The following FSD2 variants were observed in gnomAD, a reference collection of about 807,000 sequenced individuals.
FSD2 encodes the protein fibronectin type III and SPRY domain containing 2.
A neutral mutation model predicts 80.4 loss-of-function variants in FSD2; 71 were observed. The observed-to-expected ratio is 0.88, with a 90% confidence interval of 0.73 to 1.08. The LOEUF (loss-of-function observed/expected upper bound fraction) is 1.08, where lower values mean the gene tolerates loss of function less well. Among genes scored for constraint, FSD2 ranks in the 50% least tolerant of loss-of-function variants. The probability of loss-of-function intolerance (pLI) is 0.00; values close to 1 mark genes in which losing one functional copy is unlikely to be tolerated. For synonymous variants in FSD2, 361 were observed against 329.5 expected (o/e 1.10, Z -1.03); for missense variants, 923 against 913.8 (o/e 1.01, Z -0.13).
intron 11 of FSD2, among the ~76,000 whole-genome samples, chr15:82,764,604 G>C (rs1038555956): frequency 6.9e-6 from 1 of 145,858 alleles, no homozygotes; most frequent in South Asian, 2.2e-4. Context: ...TCAGCCTCCC[G>C]AGTAGCTGGG....
At chr15:82,779,962 T>A (rs928669703) in intron 5 of FSD2, among the ~76,000 whole-genome samples, 2 of 152,096 alleles carry the variant, frequency 1.3e-5, no homozygotes, top group Non-Finnish European at 2.9e-5. Context: ...TCCACAGATC[T>A]CAGTTCTTTC....
In FSD2 at chr15:82,757,545, G is replaced by T. The variant is rs1384208770; in HGVS notation, c.*1803C>A. 1 of 151,808 alleles carries T rather than the reference G, an allele frequency of 6.6e-6. No individual in the cohort carries two copies. Among genetic ancestry groups the T allele is most frequent in the Non-Finnish European group, 1.5e-5 (1 of 67,968 alleles). The allele number at this position is 151,808 out of a possible 1,614,324, so 9.4% of individuals were successfully genotyped here. ...GACGGGGTTTCACCGTATTAGCCAG[G>T]ATGGTCTCGATCTCCTGACCTTGTG... On this transcript the variant is annotated 3_prime_UTR_variant, in exon 13 of 13. Coordinates refer to ENST00000334574, the MANE Select transcript of FSD2 (RefSeq NM_001007122.4).
At chr15:82,800,409 C>T (rs1197768880) in intron 1 of FSD2, among the ~76,000 whole-genome samples, 1 of 152,008 alleles carries the variant, frequency 6.6e-6, no homozygotes, top group Non-Finnish European at 1.5e-5. Context: ...GCCCCTCAGT[C>T]GGCCCCACAC....
rs1300653633 is a variant in FSD2, at chr15:82,782,833, C to G, written c.928G>C (p.Glu310Gln). Residue 310 changes from glutamate to glutamine, a missense_variant, in exon 4 of 13, where the codon GAG becomes CAG. By Grantham distance (29) the Glu-to-Gln change is conservative. Coordinates refer to ENST00000334574, the MANE Select transcript of FSD2 (RefSeq NM_001007122.4). ...DTCKELMETI[E>Q]EMCHEEKVDF... ...ACCTTCTCCTCGTGACACATCTCCT[C>G]TATTGTTTCCATCAGTTCTTTGCAA... 1 of 1,613,950 alleles carries G rather than the reference C, an allele frequency of 6.2e-7. No individual in the cohort carries two copies. Among genetic ancestry groups the G allele is most frequent in the Non-Finnish European group, 8.5e-7 (1 of 1,179,878 alleles).
chr15:82,761,905 T>G (rs2151485545), intron 12 of FSD2, among the ~76,000 whole-genome samples, 197 bp downstream of exon 12: 1 of 152,284 alleles, frequency 6.6e-6, no homozygotes, highest in South Asian at 2.1e-4. Context: ...TCCATAAATT[T>G]TAGCTATTTT....
chr15:82,766,719 C>T (rs188119495), intron 9 of FSD2, among the ~76,000 whole-genome samples: 18 of 141,116 alleles, frequency 1.3e-4, no homozygotes, highest in East Asian at 8.3e-4. Flanking sequence ...CACTCCTGGG[C>T]GACAGAGTGA....
At chr15:82,794,145 C>T (rs1053135903) in intron 1 of FSD2, among the ~76,000 whole-genome samples, 3 of 151,988 alleles carry the variant, frequency 2.0e-5, no homozygotes, top group Non-Finnish European at 4.4e-5. Context: ...CTAATCACTG[C>T]TTTTGCTGTA....
In FSD2 at chr15:82,787,397, T is replaced by C. The variant is rs766405764; in HGVS notation, c.-7A>G. ...CCCCCGATTCCTCCTCCATTGTAACTCTGGAAGTCCTCAGAAGCACCTTTA... is the reference window on the plus strand; with the variant it reads ...CCCCCGATTCCTCCTCCATTGTAACCCTGGAAGTCCTCAGAAGCACCTTTA... On this transcript the variant is annotated 5_prime_UTR_variant, in exon 2 of 13. Coordinates refer to ENST00000334574, the MANE Select transcript of FSD2 (RefSeq NM_001007122.4). 12 of 1,590,334 alleles carry C rather than the reference T, an allele frequency of 7.5e-6. No homozygotes were observed. The highest frequency in any genetic ancestry group is 1.0e-5 in the Non-Finnish European group (12 of 1,168,382).
intron 1 of FSD2, among the ~76,000 whole-genome samples, chr15:82,795,831 CAA>C (rs71156051): frequency 3.1e-5 from 4 of 127,080 alleles, no homozygotes; most frequent in African/African-American, 3.0e-5. Flanking sequence ...GACTCCATCT[CAA>C]AAAAAAAAAA....
rs545233502 is a variant in FSD2, at chr15:82,765,204, G to A, written c.1782C>T (p.Pro594=). Residue 594 remains proline (P), a synonymous_variant, in exon 11 of 13, where the codon CCC becomes CCT. Transcript: ENST00000334574. ...LTAVRSERRT[P]ARELSPSDTH... ...TGTCGCTGGGTGACAGCTCCCTGGC[G>A]GGGGTTCTCCTTTCACTTCGTACAG... is the stretch of plus-strand genomic sequence containing the variant. 1.2e-5 allele frequency: 20 copies of A among 1,607,328 alleles called. No individual in the cohort carries two copies. In the South Asian group the frequency reaches 1.6e-4, roughly 12 times the overall value.
chr15:82,757,368 T>G lies in FSD2; in HGVS notation c.*1980A>C, dbSNP rs941680727. 6.6e-6 allele frequency: 1 copy of G among 150,908 alleles called. No homozygotes were observed. Among genetic ancestry groups the G allele is most frequent in the East Asian group, 1.9e-4 (1 of 5,142 alleles). 9.3% of individuals were successfully genotyped at this position (150,908 alleles called of 1,614,324 possible). A position where few individuals can be genotyped will look rare whatever the true frequency, so the allele number is the denominator to read the frequency against. On this transcript the variant is annotated 3_prime_UTR_variant, in exon 13 of 13. Transcript: ENST00000334574. ...GCTGAGAACTTTTTTTTTTTTTTTTTTTGAGATGGAGTCTTGATCTGTGAG... is the reference window on the plus strand; with the variant it reads ...GCTGAGAACTTTTTTTTTTTTTTTTGTTGAGATGGAGTCTTGATCTGTGAG...
chr15:82,788,553 G>C (rs1206523266), intron 1 of FSD2, among the ~76,000 whole-genome samples: 1 of 148,882 alleles, frequency 6.7e-6, no homozygotes, highest in Non-Finnish European at 1.5e-5. Context: ...AGTAGATGCT[G>C]TTTTGCCTTT....
At chr15:82,766,099 C>G in intron 9 of FSD2, 68 bp from the exon 10 acceptor site, 3 of 1,473,948 alleles carry the variant, frequency 2.0e-6, no homozygotes, top group Non-Finnish European at 2.7e-6. Flanking sequence ...CCAGGCATCC[C>G]TTTCAAAGCT....
At position 82,780,233 on chromosome 15, in the gene FSD2, C is replaced by A; in HGVS notation, c.989+12G>T. 1 of 1,494,464 alleles carries A rather than the reference C, an allele frequency of 6.7e-7. No homozygotes were observed. The highest frequency in any genetic ancestry group is 1.3e-5 in the South Asian group (1 of 75,844). The allele number at this position is 1,494,464 out of a possible 1,614,324, so 92.6% of individuals were successfully genotyped here. ...GTAAAAAAAGAAATACATACTAGAA[C>A]AAATGTATTACCTGTCAGCCATAGC... On this transcript the variant is annotated intron_variant, in intron 5 of 12. Transcript: ENST00000334574.
At position 82,778,856 on chromosome 15, in the gene FSD2, C is replaced by G; in HGVS notation, c.1021G>C (p.Val341Leu). ...AACTCAGGCTGTGCAGAGATTTCCA[C>G]GTCTGTTTTTGTTTTCAGGAATTTC... ...LGKFLKTKTD[V>L]EISAQPEFED... The change falls in exon 6 of 13, where the codon GTG (valine) becomes CTG (leucine). Residue 341 changes from valine to leucine, a missense_variant. Coordinates refer to ENST00000334574, the MANE Select transcript of FSD2 (RefSeq NM_001007122.4). The G allele has an allele frequency of 6.2e-7, 1 of 1,613,914 alleles. No individual in the cohort carries two copies. The highest frequency in any genetic ancestry group is 8.5e-7 in the Non-Finnish European group (1 of 1,179,868).
chr15:82,786,239 A>G (rs567599280), intron 3 of FSD2, among the ~76,000 whole-genome samples: 8 of 152,294 alleles, frequency 5.3e-5, no homozygotes, highest in African/African-American at 1.9e-4. Flanking sequence ...GAAACATACC[A>G]TGTAGTAGGA....
intron 1 of FSD2, among the ~76,000 whole-genome samples, chr15:82,798,147 T>G (rs1284628595): frequency 2.6e-5 from 4 of 152,050 alleles, no homozygotes; most frequent in Admixed American, 2.0e-4. Context: ...GAGACCAGCC[T>G]GGGCAACAAA....
Position 82,759,423 on chromosome 15 carries a change from A to T in FSD2, c.2175T>A (p.Cys725Ter), listed in dbSNP as rs142701820. Residue 725 changes from cysteine (C) to a stop codon, truncating the protein, a stop_gained, in exon 13 of 13, where the codon TGT (cysteine) becomes TGA (stop). Transcript: ENST00000334574. LOFTEE classifies it high-confidence loss of function. ...GACACCCAGGCTTTTCCAAAGAAAA[A>T]CAGGGATGCACAAATTCGTGAAGCT... Reference protein sequence around the residue: ...SCQLHEFVHPCFSLEKPGCLK... With the variant: ...SCQLHEFVHP 1.9e-6 allele frequency: 3 copies of T among 1,613,774 alleles called. No individual in the cohort carries two copies. The highest frequency in any genetic ancestry group is 2.5e-6 in the Non-Finnish European group (3 of 1,179,752).
intron 9 of FSD2, among the ~76,000 whole-genome samples, chr15:82,767,747 CCT>C (rs1384851978): frequency 1.3e-5 from 2 of 152,204 alleles, no homozygotes; most frequent in Non-Finnish European, 2.9e-5. Context: ...CCAAAGTCAG[CCT>C]CTGTGTGGCC....
Sources: allele counts gnomAD v4.1 joint callset (sites outside exome capture counted in the v4.1 genomes callset), GRCh38; gene constraint gnomAD v4.1.1; transcripts MANE v1.5; gene names NCBI Gene and HGNC (gene_info 2026-07-23, HGNC 2026-07-21).